The following KCNC2 variants were observed in gnomAD, a reference collection of about 807,000 sequenced individuals.
KCNC2 encodes voltage-gated potassium channel KCNC2.
In KCNC2, 21 loss-of-function variants were observed where a neutral mutation model predicts 44.5. That is an observed-to-expected ratio of 0.47 (90% CI 0.33 to 0.68). KCNC2 has a LOEUF of 0.68. Among genes scored for constraint, KCNC2 ranks in the 30% least tolerant of loss-of-function variants. The pLI, the probability that KCNC2 is intolerant of heterozygous loss-of-function variation, is 0.01. For synonymous variants in KCNC2, 391 were observed against 339.1 expected (o/e 1.15, Z -1.68); for missense variants, 589 against 826.2 (o/e 0.71, Z 3.52).
chr12:75,184,939 C>A (rs1424063879), intron 2 of KCNC2, among the ~76,000 whole-genome samples: 1 of 152,106 alleles, frequency 6.6e-6, no homozygotes, highest in Non-Finnish European at 1.5e-5. Flanking sequence ...CAGTTGATAT[C>A]TTCATAAGAG....
intron 2 of KCNC2, among the ~76,000 whole-genome samples, chr12:75,106,383 C>G (rs2137208183): frequency 6.6e-6 from 1 of 152,170 alleles, no homozygotes; most frequent in Non-Finnish European, 1.5e-5. Flanking sequence ...TAGAATTAAC[C>G]ACCATATGAT....
intron 2 of KCNC2, among the ~76,000 whole-genome samples, chr12:75,065,141 T>C (rs948684302): frequency 6.6e-6 from 1 of 152,060 alleles, no homozygotes; most frequent in Admixed American, 6.6e-5. Flanking sequence ...TCCTTATAAG[T>C]TAGCATTAAC....
chr12:75,192,433 G>T (rs925781807), intron 2 of KCNC2, among the ~76,000 whole-genome samples: 1 of 152,182 alleles, frequency 6.6e-6, no homozygotes, highest in Non-Finnish European at 1.5e-5. Context: ...TGTAAATATT[G>T]TTCCAACTTA....
chr12:75,163,914 A>G (rs2446330), intron 2 of KCNC2, among the ~76,000 whole-genome samples: 99,013 of 151,474 alleles, frequency 0.65, 34,282 homozygotes, highest in African/African-American at 0.89. Flanking sequence ...AAAGTTTGCT[A>G]CTGTTACTGT....
chr12:75,132,850 A>C (rs868310832), intron 2 of KCNC2, among the ~76,000 whole-genome samples: 1 of 152,122 alleles, frequency 6.6e-6, no homozygotes, highest in African/African-American at 2.4e-5. Flanking sequence ...AACTGCATTT[A>C]ATGACAGCTC....
chr12:75,186,433 C>G (rs1481311524), intron 2 of KCNC2, among the ~76,000 whole-genome samples: 1 of 151,998 alleles, frequency 6.6e-6, no homozygotes, highest in East Asian at 1.9e-4. Context: ...GTTACTAATA[C>G]TCTTTTCATA....
chr12:75,119,105 T>C (rs1342443948), intron 2 of KCNC2, among the ~76,000 whole-genome samples: 2 of 152,228 alleles, frequency 1.3e-5, no homozygotes, highest in Non-Finnish European at 1.5e-5. Context: ...GTACATGGAA[T>C]GTGTTTGCTG....
intron 2 of KCNC2, among the ~76,000 whole-genome samples, chr12:75,113,441 G>A (rs1394743585): frequency 6.6e-6 from 1 of 151,832 alleles, no homozygotes; most frequent in Non-Finnish European, 1.5e-5. Flanking sequence ...GTAATTTTCA[G>A]AAAAAAATAA....
rs1245644197 is a variant in KCNC2, at chr12:75,047,759, G to A, written c.1780+394C>T. The stretch of plus-strand genomic sequence containing the variant: ...AAACTTATAATTGTTTTATAGTCAT[G>A]AATTACTCATCAAATATGTGCACAG... On this transcript the variant is annotated intron_variant, in intron 4 of 4. Transcript: ENST00000549446. Among the ~76,000 whole-genome samples, 2 of 152,076 alleles carry A rather than the reference G, an allele frequency of 1.3e-5. 1 individual carries two copies. The highest frequency in any genetic ancestry group is 4.8e-5 in the African/African-American group (2 of 41,424).
intron 2 of KCNC2, among the ~76,000 whole-genome samples, chr12:75,122,640 G>T (rs982181026): frequency 1.3e-5 from 2 of 152,044 alleles, no homozygotes; most frequent in Non-Finnish European, 2.9e-5. Flanking sequence ...TTCGTAGTTG[G>T]TCTGTTAGGG....
At chr12:75,058,972 A>G (rs6582273) in intron 2 of KCNC2, among the ~76,000 whole-genome samples, 29,362 of 151,710 alleles carry the variant, frequency 0.19, 3,394 homozygotes, top group African/African-American at 0.32. Flanking sequence ...AACCCCTCCA[A>G]TCCTATCTGG....
At chr12:75,129,677 GA>G (rs1888691555) in intron 2 of KCNC2, among the ~76,000 whole-genome samples, 1 of 152,064 alleles carries the variant, frequency 6.6e-6, no homozygotes, top group Non-Finnish European at 1.5e-5. Context: ...ATGATTTTCT[GA>G]AATCTCTTTC....
chr12:75,138,001 T>C (rs1018726254), intron 2 of KCNC2, among the ~76,000 whole-genome samples: 3 of 152,194 alleles, frequency 2.0e-5, no homozygotes, highest in Admixed American at 6.5e-5. Context: ...CATGGGAATA[T>C]AGTGGCTGCT....
Position 75,051,080 on chromosome 12 carries a change from C to A in KCNC2, c.925G>T (p.Glu309Ter). The change falls in exon 3 of 5, where the codon GAA becomes TAA. Residue 309 changes from glutamate to a stop codon, truncating the protein, a stop_gained. Coordinates refer to ENST00000549446, the MANE Select transcript of KCNC2 (RefSeq NM_139137.4). LOFTEE classifies it high-confidence loss of function. ...ATATTCAAGAGATTTTTGATGAATT[C>A]AAGTTTATTGGGTGAAAAAACAATA... The part of the protein sequence containing the change: ...VRIVFSPNKL[E>*]FIKNLLNIID... The A allele has an allele frequency of 6.2e-7, 1 of 1,613,640 alleles. No homozygotes were observed. Among genetic ancestry groups the A allele is most frequent in the Non-Finnish European group, 8.5e-7 (1 of 1,179,746 alleles).
At chr12:75,151,450 C>A (rs1424228672) in intron 2 of KCNC2, among the ~76,000 whole-genome samples, 1 of 151,886 alleles carries the variant, frequency 6.6e-6, no homozygotes, top group East Asian at 1.9e-4. Context: ...CTCTTTGGAG[C>A]AGCTCAACTT....
chr12:75,208,072 C>G (rs2031857856), intron 1 of KCNC2, 70 bp from the exon 2 acceptor site: 1 of 1,571,192 alleles, frequency 6.4e-7, no homozygotes, highest in Non-Finnish European at 8.6e-7. Flanking sequence ...ACCCCCACCA[C>G]CAACCCAGAG....
Position 75,048,281 on chromosome 12 carries a change from G to T in KCNC2, c.1652C>A (p.Pro551Gln). The part of the protein sequence containing the change: ...SGDDSTGSEP[P>Q]LSPPERLPIR... ...GGGGAGCCTTTCTGGGGGTGATAGT[G>T]GCGGCTCACTTCCTGTACTGTCGTC... The change falls in exon 4 of 5, where the codon CCA (proline) becomes CAA (glutamine). Residue 551 changes from proline to glutamine, a missense_variant. Pro to Gln is a moderately conservative substitution (Grantham distance 76, BLOSUM62 -1). Transcript: ENST00000549446. The T allele has an allele frequency of 6.2e-7, 1 of 1,612,666 alleles. No individual in the cohort carries two copies. Among genetic ancestry groups the T allele is most frequent in the Non-Finnish European group, 8.5e-7 (1 of 1,179,216 alleles).
intron 3 of KCNC2, among the ~76,000 whole-genome samples, chr12:75,048,960 T>C (rs1880867346): frequency 1.3e-5 from 2 of 152,146 alleles, no homozygotes; most frequent in South Asian, 4.1e-4. Flanking sequence ...TTGGCCTAGA[T>C]ACTAGCTTGT....
chr12:75,189,607 T>C (rs926173926), intron 2 of KCNC2, among the ~76,000 whole-genome samples: 2 of 152,242 alleles, frequency 1.3e-5, no homozygotes, highest in African/African-American at 4.8e-5. Flanking sequence ...TAGGCATCAG[T>C]AATTAAACCT....
Sources: gnomAD v4.1 joint callset for allele counts (sites outside exome capture counted in the v4.1 genomes callset) on GRCh38, gnomAD v4.1.1 for gene constraint, MANE v1.5 for transcripts, NCBI Gene and HGNC (gene_info 2026-07-23, HGNC 2026-07-21) for gene names.